The following VTN variants were observed in gnomAD, a reference collection of about 807,000 sequenced individuals.
The protein encoded by VTN is complement S-protein.
VTN carries 45 observed loss-of-function variants against 55.9 expected under a neutral mutation model. The ratio of observed to expected loss-of-function variants is 0.80; its 90% confidence interval spans 0.63 to 1.03. The LOEUF (loss-of-function observed/expected upper bound fraction) is 1.03. Ranked by LOEUF, VTN falls within the 50% of genes least tolerant of loss-of-function variation. VTN has a pLI of 0.00. For synonymous variants in VTN, 238 were observed against 242.3 expected, an observed-to-expected ratio of 0.98 and a Z score of 0.17; for missense variants, 589 against 638.2, an observed-to-expected ratio of 0.92 and a Z score of 0.83.
At position 28,369,388 on chromosome 17, in the gene VTN, A is replaced by AG. The variant is rs782522316; in HGVS notation, c.569dup (p.Gly191TrpfsTer35). 1.2e-6 allele frequency: 2 copies of AG among 1,604,714 alleles called. No homozygotes were observed. The highest frequency in any genetic ancestry group is 2.2e-5 in the South Asian group (2 of 90,678). ...CATCTCGGATGAGCTTGGGGTACCC[A>AG]GGCCTCACTGCCTTTTCGTCCAGTT... On this transcript the variant is annotated frameshift_variant, in exon 4 of 8. Coordinates refer to ENST00000226218, the MANE Select transcript of VTN (RefSeq NM_000638.4). LOFTEE classifies it high-confidence loss of function. The surrounding 1 kb of genome is among the most constrained non-coding windows in gnomAD (Gnocchi z 5.3).
chr17:28,367,289 G>A lies in VTN; in HGVS notation c.*80C>T. ...TCAGAACAATAATTTTAAACTCGGGGCTAAGGGACCTTTATTGGGCTGGGG... is the reference window on the plus strand; with the variant it reads ...TCAGAACAATAATTTTAAACTCGGGACTAAGGGACCTTTATTGGGCTGGGG... On this transcript the variant is annotated 3_prime_UTR_variant, in exon 8 of 8. Transcript: ENST00000226218. 1.0e-6 allele frequency: 1 copy of A among 961,482 alleles called. No individual in the cohort carries two copies. The highest frequency in any genetic ancestry group is 1.5e-6 in the Non-Finnish European group (1 of 649,588). 59.6% of individuals were successfully genotyped at this position (961,482 alleles called of 1,614,324 possible). A position where few individuals can be genotyped will look rare whatever the true frequency, so the allele number is the denominator to read the frequency against.
rs1567801350 is a variant in VTN, at chr17:28,368,051, T to C, written c.988A>G (p.Arg330Gly). 6.3e-7 allele frequency: 1 copy of C among 1,577,102 alleles called. No individual in the cohort carries two copies. The highest frequency in any genetic ancestry group is 1.2e-5 in the South Asian group (1 of 86,526). Residue 330 changes from arginine to glycine, a missense_variant, in exon 7 of 8, where the codon AGA becomes GGA. Around this residue, in one of 3 missense-constraint regions of VTN, gnomAD observed 334 missense variants for 328.2 expected, o/e 1.02. Coordinates refer to ENST00000226218, the MANE Select transcript of VTN (RefSeq NM_000638.4). ...TCCCGGCTAATGAACTGGGGCTGTC[T>C]GGTACCAGCTGTGGCAGGGAAGGGG... ...LFWGRTSAGT[R>G]QPQFISRDWH...
chr17:28,369,977 G>C lies in VTN; in HGVS notation c.134C>G (p.Ser45Cys), dbSNP rs1597812207. The change falls in exon 2 of 8, where the codon TCT becomes TGT. Residue 45 changes from serine (S) to cysteine (C), a missense_variant. Physicochemically the swap from Ser to Cys is moderately radical, Grantham distance 112. This residue lies in a region of VTN where 217 missense variants were observed against 241.3 expected (regional missense o/e 0.90). Coordinates refer to ENST00000226218, the MANE Select transcript of VTN (RefSeq NM_000638.4). The surrounding 1 kb of genome is among the most constrained non-coding windows in gnomAD (Gnocchi z 5.3). ...DKKCQCDELC[S>C]YYQSCCTDYT... ...GTCTGTGCAGCAGCTCTGGTAGTAA[G>C]AGCAGAGCTCGTCACACTGGCACTT... 6.2e-7 allele frequency: 1 copy of C among 1,614,082 alleles called. No individual in the cohort carries two copies. The highest frequency in any genetic ancestry group is 8.5e-7 in the Non-Finnish European group (1 of 1,180,032).
In VTN at chr17:28,369,487, A is replaced by G. The variant is rs782429773; in HGVS notation, c.529+20T>C. On this transcript the variant is annotated intron_variant, in intron 3 of 7. Transcript: ENST00000226218. The surrounding 1 kb of genome is among the most constrained non-coding windows in gnomAD (Gnocchi z 5.3). Reference sequence around the variant, plus strand: ...GCTCCTGGGGCAGACCCGCATCCCCAGTACCTGCCCTGGATTCACCTCGGA... The same window carrying G: ...GCTCCTGGGGCAGACCCGCATCCCCGGTACCTGCCCTGGATTCACCTCGGA... The G allele has an allele frequency of 6.3e-7, 1 of 1,596,300 alleles. No homozygotes were observed. Among genetic ancestry groups the G allele is most frequent in the African/African-American group, 1.3e-5 (1 of 74,534 alleles).
Position 28,367,296 on chromosome 17 carries a change from G to A in VTN, c.*73C>T, listed in dbSNP as rs2067912824. On this transcript the variant is annotated 3_prime_UTR_variant, in exon 8 of 8. Coordinates refer to ENST00000226218, the MANE Select transcript of VTN (RefSeq NM_000638.4). ...AATAATTTTAAACTCGGGGCTAAGG[G>A]ACCTTTATTGGGCTGGGGGAAGGAG... The A allele has an allele frequency of 9.7e-7, 1 of 1,032,434 alleles. No individual in the cohort carries two copies. Among genetic ancestry groups the A allele is most frequent in the Non-Finnish European group, 1.4e-6 (1 of 705,734 alleles). 64.0% of individuals were successfully genotyped at this position (1,032,434 alleles called of 1,614,324 possible). A position where few individuals can be genotyped will look rare whatever the true frequency, so the allele number is the denominator to read the frequency against.
intron 6 of VTN, 50 bp downstream of exon 6, chr17:28,368,471 G>C (rs782088771): frequency 6.2e-7 from 1 of 1,604,468 alleles, no homozygotes; most frequent in Non-Finnish European, 8.5e-7. Context: ...CCAATACCAA[G>C]GGGTTTCAGC....
At position 28,369,233 on chromosome 17, in the gene VTN, A is replaced by G. The variant is rs1466902902; in HGVS notation, c.669+56T>C. On this transcript the variant is annotated intron_variant, in intron 4 of 7. Coordinates refer to ENST00000226218, the MANE Select transcript of VTN (RefSeq NM_000638.4). This position sits in a 1 kb window ranked among gnomAD's most constrained non-coding sequence, Gnocchi z 5.3. ...CCCTGTCCACCCTGTCCCTGGGAGC[A>G]ATAGCTCTCAAACCCTCCCTAGATG... is the stretch of plus-strand genomic sequence containing the variant. 2 of 1,529,662 alleles carry G rather than the reference A, an allele frequency of 1.3e-6. No homozygotes were observed. Among genetic ancestry groups the G allele is most frequent in the Non-Finnish European group, 1.8e-6 (2 of 1,137,504 alleles). The allele number at this position is 1,529,662 out of a possible 1,614,324, so 94.8% of individuals were successfully genotyped here. A position where few individuals can be genotyped will look rare whatever the true frequency, so the allele number is the denominator to read the frequency against.
rs782326915 is a variant in VTN at position 28,370,002 on chromosome 17, T to C, written c.109A>G (p.Lys37Glu). ...GAGCAGAGCTCGTCACACTGGCACT[T>C]CTTGTCCACGTTGAAGCCCTCAGTG... Reference protein sequence around the residue: ...RCTEGFNVDKKCQCDELCSYY... With the variant: ...RCTEGFNVDKECQCDELCSYY... Residue 37 changes from lysine (K) to glutamate (E), a missense_variant, in exon 2 of 8, where the codon AAG becomes GAG. By Grantham distance (56) the Lys-to-Glu change is moderately conservative. Around this residue, in one of 3 missense-constraint regions of VTN, gnomAD observed 217 missense variants for 241.3 expected, o/e 0.90. Transcript: ENST00000226218. 1.9e-6 allele frequency: 3 copies of C among 1,614,082 alleles called. No homozygotes were observed. The highest frequency in any genetic ancestry group is 1.7e-6 in the Non-Finnish European group (2 of 1,180,022).
At position 28,367,427 on chromosome 17, in the gene VTN, G is replaced by A. The variant is rs1029625225; in HGVS notation, c.1379C>T (p.Pro460Leu). ...RTRRVDTVDPPYPRSIAQYWL... is the reference protein window; with the variant it reads ...RTRRVDTVDPLYPRSIAQYWL... ...GTACTGAGCGATGGAGCGTGGGTAG[G>A]GAGGGTCCACAGTGTCCACTCGCCG... The change falls in exon 8 of 8, where the codon CCC becomes CTC. Residue 460 changes from proline (P) to leucine (L), a missense_variant. Pro to Leu is a moderately conservative substitution (Grantham distance 98). Around this residue, in one of 3 missense-constraint regions of VTN, gnomAD observed 334 missense variants for 328.2 expected, o/e 1.02. Coordinates refer to ENST00000226218, the MANE Select transcript of VTN (RefSeq NM_000638.4). The A allele has an allele frequency of 2.7e-5, 44 of 1,613,084 alleles. No homozygotes were observed. The highest frequency in any genetic ancestry group is 3.6e-5 in the Non-Finnish European group (43 of 1,179,784).
At position 28,369,375 on chromosome 17, in the gene VTN, G is replaced by A. The variant is rs1555583581; in HGVS notation, c.583C>T (p.Leu195Phe). 1 of 1,606,892 alleles carries A rather than the reference G, an allele frequency of 6.2e-7. No homozygotes were observed. The highest frequency in any genetic ancestry group is 1.7e-5 in the Admixed American group (1 of 59,724). ...TCGATGCCCCAGACATCTCGGATGA[G>A]CTTGGGGTACCCAGGCCTCACTGCC... Reference protein sequence around the residue: ...EKAVRPGYPKLIRDVWGIEGP... With the variant: ...EKAVRPGYPKFIRDVWGIEGP... Residue 195 changes from leucine to phenylalanine, a missense_variant, in exon 4 of 8, where the codon CTC becomes TTC. Physicochemically the swap from Leu to Phe is conservative, Grantham distance 22. Around this residue, in one of 3 missense-constraint regions of VTN, gnomAD observed 38 missense variants for 68.8 expected, o/e 0.55. Coordinates refer to ENST00000226218, the MANE Select transcript of VTN (RefSeq NM_000638.4). The surrounding 1 kb of genome is among the most constrained non-coding windows in gnomAD (Gnocchi z 5.3).
rs782094981 is a variant in VTN, at chr17:28,370,023, C to T, written c.88G>A (p.Glu30Lys). 6.2e-7 allele frequency: 1 copy of T among 1,614,142 alleles called. No homozygotes were observed. ...CACTTCTTGTCCACGTTGAAGCCCT[C>T]AGTGCAGCGGCCCTTGCATGACTCT... ...DQESCKGRCT[E>K]GFNVDKKCQC... The change falls in exon 2 of 8, where the codon GAG becomes AAG. Residue 30 changes from glutamate (E) to lysine (K), a missense_variant. Physicochemically the swap from Glu to Lys is moderately conservative, Grantham distance 56 (BLOSUM62 1). Around this residue, in one of 3 missense-constraint regions of VTN, gnomAD observed 217 missense variants for 241.3 expected, o/e 0.90. Coordinates refer to ENST00000226218, the MANE Select transcript of VTN (RefSeq NM_000638.4).
chr17:28,368,480 GC>G (rs1555583389), intron 6 of VTN, 40 bp downstream of exon 6: 3 of 1,608,750 alleles, frequency 1.9e-6, no homozygotes, highest in Non-Finnish European at 1.7e-6. Context: ...AGGGGTTTCA[GC>G]CCTTTTGAGG....
chr17:28,370,269 G>C lies in VTN; in HGVS notation c.-66C>G. ...GTCTCCCTGAAGTCTCCGCTCTGAT[G>C]CCTGAGGAAGGGAGGGAGAGGCAGA... On this transcript the variant is annotated 5_prime_UTR_variant, in exon 1 of 8. Coordinates refer to ENST00000226218, the MANE Select transcript of VTN (RefSeq NM_000638.4). 1 of 1,533,164 alleles carries C rather than the reference G, an allele frequency of 6.5e-7. No individual in the cohort carries two copies. Among genetic ancestry groups the C allele is most frequent in the Non-Finnish European group, 8.9e-7 (1 of 1,127,986 alleles). The allele number at this position is 1,533,164 out of a possible 1,614,324, so 95.0% of individuals were successfully genotyped here.
Position 28,368,063 on chromosome 17 carries a change from T to C in VTN, c.980-4A>G, listed in dbSNP as rs782306878. On this transcript the variant is annotated splice_polypyrimidine_tract_variant and splice_region_variant and intron_variant, in intron 6 of 7. Transcript: ENST00000226218. ...AACTGGGGCTGTCTGGTACCAGCTG[T>C]GGCAGGGAAGGGGTGAATGAGAGGT... 4 of 1,569,260 alleles carry C rather than the reference T, an allele frequency of 2.5e-6. No individual in the cohort carries two copies. Among genetic ancestry groups the C allele is most frequent in the Non-Finnish European group, 3.5e-6 (4 of 1,156,540 alleles).
rs1312850040 is a variant in VTN, at chr17:28,370,243, G to A, written c.-40C>T. Reference sequence around the variant, plus strand: ...CTCAGTGCCTGGCAAGCTGGGCTCTGGTCTCCCTGAAGTCTCCGCTCTGAT... The same window carrying A: ...CTCAGTGCCTGGCAAGCTGGGCTCTAGTCTCCCTGAAGTCTCCGCTCTGAT... On this transcript the variant is annotated 5_prime_UTR_variant, in exon 1 of 8. Transcript: ENST00000226218. 6.3e-7 allele frequency: 1 copy of A among 1,592,680 alleles called. No homozygotes were observed. The highest frequency in any genetic ancestry group is 1.7e-5 in the Admixed American group (1 of 58,866).
At position 28,368,553 on chromosome 17, in the gene VTN, A is replaced by T. The variant is rs2067926329; in HGVS notation, c.947T>A (p.Ile316Asn). 1.2e-6 allele frequency: 2 copies of T among 1,614,016 alleles called. No homozygotes were observed. The highest frequency in any genetic ancestry group is 1.1e-5 in the South Asian group (1 of 91,076). ...AMMQRDSWED[I>N]FELLFWGRTS... is the part of the protein sequence containing the mutation. ...TCTGCCCCAGAAGAGAAGCTCGAAG[A>T]TGTCCTCCCAGCTGTCCCGCTGCAT... Residue 316 changes from isoleucine to asparagine, a missense_variant, in exon 6 of 8, where the codon ATC becomes AAC. This residue lies in a region of VTN where 334 missense variants were observed against 328.2 expected (regional missense o/e 1.02). Coordinates refer to ENST00000226218, the MANE Select transcript of VTN (RefSeq NM_000638.4).
Position 28,369,527 on chromosome 17 carries a change from C to A in VTN, c.509G>T (p.Gly170Val). Reference protein sequence around the residue: ...PFDAFTDLKNGSLFAFRGQYC... With the variant: ...PFDAFTDLKNVSLFAFRGQYC... Reference sequence around the variant, plus strand: ...TTCACCTCGGAAGGCAAAGAGGGAACCGTTCTTGAGGTCGGTGAAGGCGTC... The same window carrying A: ...TTCACCTCGGAAGGCAAAGAGGGAAACGTTCTTGAGGTCGGTGAAGGCGTC... The change falls in exon 3 of 8, where the codon GGT becomes GTT. Residue 170 changes from glycine (G) to valine (V), a missense_variant. Around this residue, in one of 3 missense-constraint regions of VTN, gnomAD observed 217 missense variants for 241.3 expected, o/e 0.90. Coordinates refer to ENST00000226218, the MANE Select transcript of VTN (RefSeq NM_000638.4). This position sits in a 1 kb window ranked among gnomAD's most constrained non-coding sequence, Gnocchi z 5.3. The A allele has an allele frequency of 4.4e-6, 7 of 1,606,942 alleles. No homozygotes were observed. The highest frequency in any genetic ancestry group is 5.1e-6 in the Non-Finnish European group (6 of 1,178,106).
chr17:28,369,745 G>A lies in VTN; in HGVS notation c.291C>T (p.Ser97=). The A allele has an allele frequency of 3.1e-6, 5 of 1,613,980 alleles. No homozygotes were observed. In the South Asian group the frequency reaches 5.5e-5, roughly 18 times the overall value. Residue 97 remains serine (S), a synonymous_variant, in exon 3 of 8, where the codon TCC becomes TCT. Transcript: ENST00000226218. The surrounding 1 kb of genome is among the most constrained non-coding windows in gnomAD (Gnocchi z 5.3). ...ATVHEQVGGP[S]LTSDLQAQSK... Reference sequence around the variant, plus strand: ...ACTGGGCCTGGAGGTCAGAGGTCAGGGAGGGGCCCCCCACCTGTTCATGGA... The same window carrying A: ...ACTGGGCCTGGAGGTCAGAGGTCAGAGAGGGGCCCCCCACCTGTTCATGGA...
chr17:28,369,963 A>T lies in VTN; in HGVS notation c.148T>A (p.Cys50Ser). The T allele has an allele frequency of 6.2e-7, 1 of 1,614,120 alleles. No individual in the cohort carries two copies. The highest frequency in any genetic ancestry group is 8.5e-7 in the Non-Finnish European group (1 of 1,180,032). ...CDELCSYYQSCCTDYTAECKP... is the reference protein window; with the variant it reads ...CDELCSYYQSSCTDYTAECKP... ...CACTCAGCCGTATAGTCTGTGCAGC[A>T]GCTCTGGTAGTAAGAGCAGAGCTCG... Residue 50 changes from cysteine to serine, a missense_variant, in exon 2 of 8, where the codon TGC becomes AGC. Cys to Ser is a moderately radical substitution (Grantham distance 112). Coordinates refer to ENST00000226218, the MANE Select transcript of VTN (RefSeq NM_000638.4). The surrounding 1 kb of genome is among the most constrained non-coding windows in gnomAD (Gnocchi z 5.3).
Sources: gnomAD v4.1 joint callset for allele counts on GRCh38, gnomAD v4.1.1 for gene constraint, gnomAD v4.1.1 regional missense constraint, Gnocchi (gnomAD v3.1) non-coding constraint, MANE v1.5 for transcripts, NCBI Gene and HGNC (gene_info 2026-07-23, HGNC 2026-07-21) for gene names.